SLIT3: variants seen among roughly 807,000 people sequenced by gnomAD.
SLIT3 encodes slit guidance ligand 3, also known as slit homolog 3 protein.
Under a neutral mutation model 184.0 loss-of-function variants are expected in SLIT3, and 68 were observed. That is an observed-to-expected ratio of 0.37 (90% CI 0.30 to 0.45). The LOEUF (loss-of-function observed/expected upper bound fraction) is 0.45, where lower values mean the gene tolerates loss of function less well. Among genes scored for constraint, SLIT3 ranks in the 20% least tolerant of loss-of-function variants. The pLI, the probability that SLIT3 is intolerant of heterozygous loss-of-function variation, is 1.00. For synonymous variants in SLIT3, 831 were observed against 828.6 expected, an observed-to-expected ratio of 1.00 and a Z score of -0.05; for missense variants, 1,707 against 2,026.0, an observed-to-expected ratio of 0.84 and a Z score of 3.02.
chr5:168,755,261 T>C (rs752746129), intron 16 of SLIT3, among the ~76,000 whole-genome samples: 5 of 152,170 alleles, frequency 3.3e-5, no homozygotes, highest in Non-Finnish European at 7.3e-5. Context: ...ATGTACTCCA[T>C]TGAACCTCTT....
At chr5:169,148,889 A>G (rs1451976507) in intron 4 of SLIT3, among the ~76,000 whole-genome samples, 1 of 152,198 alleles carries the variant, frequency 6.6e-6, no homozygotes, top group African/African-American at 2.4e-5. Context: ...ACTTAAAAAA[A>G]AAAAAATCAC....
In SLIT3 at chr5:168,669,912, C is replaced by T. The variant is rs1286127219; in HGVS notation, c.4207G>A (p.Asp1403Asn). ...CAEGYGGDLC[D>N]NKNDSANACS... ...GCATTGGCAGAGTCATTCTTGTTGT[C>T]ACACAAGTCCCCTCCATAGCCCTCG... Residue 1403 changes from aspartate to asparagine, a missense_variant, in exon 35 of 36, where the codon GAC becomes AAC. Coordinates refer to ENST00000519560, the MANE Select transcript of SLIT3 (RefSeq NM_003062.4). 1 of 1,614,202 alleles carries T rather than the reference C, an allele frequency of 6.2e-7. No homozygotes were observed.
intron 1 of SLIT3, among the ~76,000 whole-genome samples, chr5:169,277,972 T>C (rs904269838): frequency 6.6e-5 from 10 of 152,260 alleles, no homozygotes; most frequent in African/African-American, 2.4e-4. Flanking sequence ...ATGAGCCTGT[T>C]TTTTGTAAGA....
chr5:168,958,304 A>G (rs1762897936), intron 4 of SLIT3, among the ~76,000 whole-genome samples: 1 of 152,202 alleles, frequency 6.6e-6, no homozygotes, highest in African/African-American at 2.4e-5. Flanking sequence ...AACTGGAAGG[A>G]TAGTTTATGA....
intron 20 of SLIT3, among the ~76,000 whole-genome samples, chr5:168,743,001 A>G (rs1300770988): frequency 6.6e-6 from 1 of 152,120 alleles, no homozygotes; most frequent in African/African-American, 2.4e-5. Flanking sequence ...GCGTGGTGGC[A>G]TGCGCCTGTA....
intron 14 of SLIT3, among the ~76,000 whole-genome samples, chr5:168,769,839 C>G (rs1004963368): frequency 3.9e-5 from 6 of 152,160 alleles, no homozygotes; most frequent in Non-Finnish European, 5.9e-5. Context: ...GGTTTCAGAT[C>G]TTGCCCTAAA....
At chr5:168,715,501 GCT>G (rs1404877501) in intron 23 of SLIT3, among the ~76,000 whole-genome samples, 2 of 152,128 alleles carry the variant, frequency 1.3e-5, no homozygotes, top group African/African-American at 4.8e-5. Context: ...CACTTCTGGG[GCT>G]CTCTCTGGAA....
intron 21 of SLIT3, among the ~76,000 whole-genome samples, 154 bp downstream of exon 21, chr5:168,724,262 T>G (rs1322961111): frequency 6.6e-6 from 1 of 152,172 alleles, no homozygotes; most frequent in Non-Finnish European, 1.5e-5. Context: ...CCACTTTCCC[T>G]TTGCAGACTG....
intron 9 of SLIT3, 30 bp from the exon 10 acceptor site, chr5:168,795,608 A>T: frequency 6.4e-7 from 1 of 1,573,766 alleles, no homozygotes. Context: ...AGAGTGAATT[A>T]ACCATCCACC....
At chr5:168,837,207 C>T (rs1758080800) in intron 6 of SLIT3, among the ~76,000 whole-genome samples, 1 of 152,154 alleles carries the variant, frequency 6.6e-6, no homozygotes. Context: ...GAACATATCA[C>T]AATTTACAGC....
chr5:168,749,389 G>GCAAAGT, intron 19 of SLIT3, 83 bp downstream of exon 19: 2 of 1,501,024 alleles, frequency 1.3e-6, no homozygotes, highest in Non-Finnish European at 1.8e-6. Flanking sequence ...TTGGATCTCA[G>GCAAAGT]GGAGTATCTG....
chr5:169,229,106 G>A (rs1377031894), intron 3 of SLIT3, among the ~76,000 whole-genome samples: 1 of 152,204 alleles, frequency 6.6e-6, no homozygotes, highest in African/African-American at 2.4e-5. Flanking sequence ...CAGAGAGAGA[G>A]AGAGGGAGAC....
In SLIT3 at chr5:169,091,771, G is replaced by T. The variant is rs531624326; in HGVS notation, c.413+101708C>A. Among the ~76,000 whole-genome samples the T allele has an allele frequency of 2.0e-5, 3 of 152,286 alleles. No individual in the cohort carries two copies. The South Asian group carries it at 6.2e-4, about 32-fold the overall frequency. ...GTGTGCAAAGCCTCGTGGCGAAGCTGGACCGGCCTGATAATCAGTTATCAC... is the reference window on the plus strand; with the variant it reads ...GTGTGCAAAGCCTCGTGGCGAAGCTTGACCGGCCTGATAATCAGTTATCAC... On this transcript the variant is annotated intron_variant, in intron 4 of 35. Transcript: ENST00000519560.
intron 35 of SLIT3, chr5:168,666,894 ACACC>A: frequency 1.3e-6 from 1 of 783,120 alleles, no homozygotes; most frequent in Non-Finnish European, 2.1e-6. Flanking sequence ...TGACAGGCTT[ACACC>A]TAAGCCGTGA....
chr5:168,879,383 G>GGT (rs1759864745), intron 5 of SLIT3, among the ~76,000 whole-genome samples: 1 of 152,198 alleles, frequency 6.6e-6, no homozygotes, highest in Non-Finnish European at 1.5e-5. Context: ...CTCCATAACT[G>GGT]AGGACTGGTA....
At chr5:169,136,718 T>C (rs1379276178) in intron 4 of SLIT3, among the ~76,000 whole-genome samples, 1 of 152,180 alleles carries the variant, frequency 6.6e-6, no homozygotes, top group African/African-American at 2.4e-5. Context: ...CATTGGAGAA[T>C]GGGCCAGGGT....
chr5:169,123,780 A>C (rs1760976087), intron 4 of SLIT3, among the ~76,000 whole-genome samples: 1 of 152,230 alleles, frequency 6.6e-6, no homozygotes, highest in Non-Finnish European at 1.5e-5. Flanking sequence ...GGGTCCAGTC[A>C]GAGCAAAGGC....
intron 4 of SLIT3, among the ~76,000 whole-genome samples, chr5:169,109,224 G>A (rs528299297): frequency 3.9e-5 from 6 of 152,200 alleles, no homozygotes; most frequent in Non-Finnish European, 7.3e-5. Flanking sequence ...GGACTGGAGA[G>A]ATTCTCTTTG....
At chr5:168,746,601 T>C (rs1324881654) in intron 20 of SLIT3, among the ~76,000 whole-genome samples, 3 of 101,890 alleles carry the variant, frequency 2.9e-5, no homozygotes, top group African/African-American at 7.9e-5. Flanking sequence ...AGTGTGGTGG[T>C]GTGGGTGTGG....
Sources: gnomAD v4.1 joint callset for allele counts (sites outside exome capture counted in the v4.1 genomes callset) on GRCh38, gnomAD v4.1.1 for gene constraint, MANE v1.5 for transcripts, NCBI Gene and HGNC (gene_info 2026-07-23, HGNC 2026-07-21) for gene names.